SUCNR1: variants seen among roughly 807,000 people sequenced by gnomAD.
SUCNR1 encodes succinate receptor 1, also known as G-protein coupled receptor 91.
A neutral mutation model predicts 2.4 loss-of-function variants in SUCNR1; 5 were observed. That is an observed-to-expected ratio of 2.07 (90% CI 1.08 to 4.36). The LOEUF is 4.36. Among genes scored for constraint, SUCNR1 ranks in the 30% most tolerant of loss-of-function variants. The probability of loss-of-function intolerance (pLI) is 0.00; values close to 1 mark genes in which losing one functional copy is unlikely to be tolerated. For synonymous variants in SUCNR1, 162 were observed against 143.9 expected (o/e 1.13, Z -0.90); for missense variants, 373 against 399.2 (o/e 0.93, Z 0.56).
Position 151,880,928 on chromosome 3 carries a change from C to A in SUCNR1, c.385C>A (p.Arg129=). Residue 129 remains arginine (R), a synonymous_variant, in exon 3 of 3, where the codon CGA becomes AGA. Coordinates refer to ENST00000362032, the MANE Select transcript of SUCNR1 (RefSeq NM_033050.6). ...DRYLIIKYPF[R]EHLLQKKEFA... is the part of the protein sequence containing the mutation. ...ATACTTGATAATTAAGTATCCTTTC[C>A]GAGAACACCTTCTGCAAAAGAAAGA... 6.2e-7 allele frequency: 1 copy of A among 1,613,920 alleles called. No individual in the cohort carries two copies. Among genetic ancestry groups the A allele is most frequent in the African/African-American group, 1.3e-5 (1 of 75,002 alleles).
chr3:151,874,480 A>G (rs1378726552), intron 1 of SUCNR1, among the ~76,000 whole-genome samples: 3 of 152,006 alleles, frequency 2.0e-5, no homozygotes, highest in Admixed American at 6.6e-5. Context: ...GCTGGGGCAT[A>G]ATATTTTTAT....
chr3:151,879,695 T>C (rs58487215), intron 1 of SUCNR1, among the ~76,000 whole-genome samples, 157 bp from the exon 2 acceptor site: 6,937 of 152,292 alleles, frequency 0.046, 541 homozygotes, highest in African/African-American at 0.16. Flanking sequence ...ATTTTCAGTT[T>C]CATATTTTGA....
At chr3:151,874,135 TATATATATATA>T (rs1717835986) in intron 1 of SUCNR1, among the ~76,000 whole-genome samples, 2 of 57,390 alleles carry the variant, frequency 3.5e-5, no homozygotes, top group African/African-American at 1.4e-4. Flanking sequence ...CATATATATA[TATATATATATA>T]TTTTTTTTTT....
chr3:151,878,323 G>T (rs927160472), intron 1 of SUCNR1, among the ~76,000 whole-genome samples: 1 of 152,120 alleles, frequency 6.6e-6, no homozygotes, highest in African/African-American at 2.4e-5. Context: ...TGGAAAAGAG[G>T]ACATGAAGAC....
chr3:151,875,172 T>C (rs918653563), intron 1 of SUCNR1, among the ~76,000 whole-genome samples: 27 of 152,260 alleles, frequency 1.8e-4, no homozygotes, highest in Middle Eastern at 3.4e-3. Context: ...TCTTAAAAAA[T>C]ACCTATTCAA....
In SUCNR1 at chr3:151,880,667, A is replaced by G. The variant is rs149142290; in HGVS notation, c.124A>G (p.Thr42Ala). 4.3e-5 allele frequency: 69 copies of G among 1,614,074 alleles called. No individual in the cohort carries two copies. In the African/African-American group the frequency reaches 8.0e-4, roughly 19 times the overall value. The change falls in exon 3 of 3, where the codon ACC (threonine) becomes GCC (alanine). Residue 42 changes from threonine to alanine, a missense_variant. Transcript: ENST00000362032. ...GTTCGTTGTGGGAGTCCTTGGAAAT[A>G]CCATTGTTGTTTACGGCTACATCTT... ...IEFVVGVLGN[T>A]IVVYGYIFSL...
At chr3:151,879,427 T>C (rs755929532) in intron 1 of SUCNR1, among the ~76,000 whole-genome samples, 9 of 152,140 alleles carry the variant, frequency 5.9e-5, no homozygotes, top group Non-Finnish European at 1.3e-4. Context: ...GACTCTACCT[T>C]CATGAATGGG....
chr3:151,878,731 A>C (rs1576664396), intron 1 of SUCNR1, among the ~76,000 whole-genome samples: 1 of 152,294 alleles, frequency 6.6e-6, no homozygotes, highest in South Asian at 2.1e-4. Context: ...AGACTCCGAA[A>C]AATGTATAAT....
Position 151,880,978 on chromosome 3 carries a change from C to T in SUCNR1, c.435C>T (p.Ala145=). 3 of 1,614,056 alleles carry T rather than the reference C, an allele frequency of 1.9e-6. No homozygotes were observed. Among genetic ancestry groups the T allele is most frequent in the East Asian group, 4.5e-5 (2 of 44,886 alleles). The change falls in exon 3 of 3, where the codon GCC becomes GCT. Residue 145 remains alanine, a synonymous_variant. Coordinates refer to ENST00000362032, the MANE Select transcript of SUCNR1 (RefSeq NM_033050.6). ...KKEFAILISL[A]IWVLVTLELL... ...AGTTTGCTATTTTAATCTCCTTGGC[C>T]ATTTGGGTTTTAGTAACCTTAGAGT...
At position 151,884,140 on chromosome 3, in the gene SUCNR1, T is replaced by C. The variant is rs1718183164; in HGVS notation, c.*2592T>C. The C allele has an allele frequency of 6.6e-6, 1 of 152,248 alleles. No homozygotes were observed. The highest frequency in any genetic ancestry group is 6.5e-5 in the Admixed American group (1 of 15,292). 9.4% of individuals were successfully genotyped at this position (152,248 alleles called of 1,614,324 possible). A position where few individuals can be genotyped will look rare whatever the true frequency, so the allele number is the denominator to read the frequency against. On this transcript the variant is annotated 3_prime_UTR_variant, in exon 3 of 3. Coordinates refer to ENST00000362032, the MANE Select transcript of SUCNR1 (RefSeq NM_033050.6). The stretch of plus-strand genomic sequence containing the variant: ...TATTATTGTCTTCATAGCTGAGTAC[T>C]CTTAAAATTACTGTTTATTATAAGT...
chr3:151,879,797 TA>T, intron 1 of SUCNR1, 54 bp from the exon 2 acceptor site: 1 of 786,022 alleles, frequency 1.3e-6, no homozygotes, highest in Non-Finnish European at 1.9e-6. Flanking sequence ...TGGAAACAAG[TA>T]AAAGCTTAAA....
rs988871183 is a variant in SUCNR1 at position 151,881,623 on chromosome 3, A to G, written c.*75A>G. The G allele has an allele frequency of 2.3e-6, 3 of 1,313,656 alleles. No homozygotes were observed. Among genetic ancestry groups the G allele is most frequent in the Admixed American group, 4.6e-5 (2 of 43,946 alleles). The allele number at this position is 1,313,656 out of a possible 1,614,324, so 81.4% of individuals were successfully genotyped here. A position where few individuals can be genotyped will look rare whatever the true frequency, so the allele number is the denominator to read the frequency against. ...AGTTTGCCTTAACTCATAGACATCA[A>G]TCAGAGAGTGTCACAGATTTAACCT... On this transcript the variant is annotated 3_prime_UTR_variant, in exon 3 of 3. Transcript: ENST00000362032.
chr3:151,880,936 CCTT>C lies in SUCNR1; in HGVS notation c.396_398del (p.Leu133del). On this transcript the variant is annotated inframe_deletion, in exon 3 of 3. Coordinates refer to ENST00000362032, the MANE Select transcript of SUCNR1 (RefSeq NM_033050.6). ...TAATTAAGTATCCTTTCCGAGAACA[CCTT>C]CTGCAAAAGAAAGAGTTTGCTATTT... The C allele has an allele frequency of 1.2e-6, 2 of 1,614,024 alleles. No homozygotes were observed. Among genetic ancestry groups the C allele is most frequent in the Non-Finnish European group, 1.7e-6 (2 of 1,179,996 alleles).
At chr3:151,879,970 C>A in intron 2 of SUCNR1, 63 bp downstream of exon 2, 1 of 1,343,720 alleles carries the variant, frequency 7.4e-7, no homozygotes, top group Non-Finnish European at 1.0e-6. Context: ...TCATACGTTC[C>A]CTTTGTTTCT....
At position 151,881,099 on chromosome 3, in the gene SUCNR1, A is replaced by G. The variant is rs773055616; in HGVS notation, c.556A>G (p.Ile186Val). The change falls in exon 3 of 3, where the codon ATT becomes GTT. Residue 186 changes from isoleucine (I) to valine (V), a missense_variant. This residue lies in a region of SUCNR1 where 32 missense variants were observed against 58.3 expected (regional missense o/e 0.55). Coordinates refer to ENST00000362032, the MANE Select transcript of SUCNR1 (RefSeq NM_033050.6). Reference sequence around the variant, plus strand: ...TTCTGGAGACCCCAACTACAACCTCATTTACAGCATGTGTCTAACACTGTT... The same window carrying G: ...TTCTGGAGACCCCAACTACAACCTCGTTTACAGCATGTGTCTAACACTGTT... ...ASSGDPNYNL[I>V]YSMCLTLLGF... 4 of 1,613,920 alleles carry G rather than the reference A, an allele frequency of 2.5e-6. No homozygotes were observed. In the South Asian group the frequency reaches 3.3e-5, roughly 13 times the overall value.
rs1036825160 is a variant in SUCNR1, at chr3:151,881,029, T to C, written c.486T>C (p.Asn162=). The stretch of plus-strand genomic sequence containing the variant: ...TACTACCCATACTTCCCCTTATAAA[T>C]CCTGTTATAACTGACAATGGCACCA... ...LELLPILPLI[N]PVITDNGTTC... is the part of the protein sequence containing the mutation. The change falls in exon 3 of 3, where the codon AAT becomes AAC. Residue 162 remains asparagine (N), a synonymous_variant. Transcript: ENST00000362032. 1 of 1,614,156 alleles carries C rather than the reference T, an allele frequency of 6.2e-7. No individual in the cohort carries two copies. Among genetic ancestry groups the C allele is most frequent in the Non-Finnish European group, 8.5e-7 (1 of 1,180,004 alleles).
rs1478245376 is a variant in SUCNR1, at chr3:151,881,089, C to A, written c.546C>A (p.Asn182Lys). 2 of 1,614,176 alleles carry A rather than the reference C, an allele frequency of 1.2e-6. No homozygotes were observed. Among genetic ancestry groups the A allele is most frequent in the South Asian group, 2.2e-5 (2 of 91,082 alleles). Residue 182 changes from asparagine to lysine, a missense_variant, in exon 3 of 3, where the codon AAC (asparagine) becomes AAA (lysine). Asn to Lys is a moderately conservative substitution (Grantham distance 94). Transcript: ENST00000362032. ...CNDFASSGDP[N>K]YNLIYSMCLT... ...ATTTTGCAAGTTCTGGAGACCCCAA[C>A]TACAACCTCATTTACAGCATGTGTC...
intron 1 of SUCNR1, 100 bp from the exon 2 acceptor site, chr3:151,879,752 G>C: frequency 8.0e-6 from 4 of 501,074 alleles, no homozygotes; most frequent in Non-Finnish European, 1.4e-5. Context: ...CATAGTTTAT[G>C]AATTTAATAC....
intron 1 of SUCNR1, among the ~76,000 whole-genome samples, chr3:151,877,934 G>A (rs1717971530): frequency 6.6e-6 from 1 of 152,126 alleles, no homozygotes; most frequent in South Asian, 2.1e-4. Flanking sequence ...CTTGAGCCAA[G>A]AAGACTTGAG....
Sources: gnomAD v4.1 joint callset for allele counts (sites outside exome capture counted in the v4.1 genomes callset) on GRCh38, gnomAD v4.1.1 for gene constraint, gnomAD v4.1.1 regional missense constraint, MANE v1.5 for transcripts, NCBI Gene and HGNC (gene_info 2026-07-23, HGNC 2026-07-21) for gene names.